EPSTI1: variants seen among roughly 807,000 people sequenced by gnomAD.
EPSTI1 encodes the protein epithelial-stromal interaction protein 1.
A neutral mutation model predicts 49.9 loss-of-function variants in EPSTI1; 66 were observed. The ratio of observed to expected loss-of-function variants is 1.32; its 90% confidence interval spans 1.08 to 1.62. The LOEUF is 1.62. Among genes scored for constraint, EPSTI1 ranks in the 40% most tolerant of loss-of-function variants. The pLI is 0.00. For synonymous variants in EPSTI1, 137 were observed against 130.7 expected (o/e 1.05, Z -0.33); for missense variants, 394 against 365.5 (o/e 1.08, Z -0.64).
chr13:42,932,440 TC>T (rs2038407912), intron 6 of EPSTI1, among the ~76,000 whole-genome samples: 1 of 152,080 alleles, frequency 6.6e-6, no homozygotes. Flanking sequence ...ACTCAGTCTC[TC>T]AATCCCACAC....
At position 42,895,081 on chromosome 13, in the gene EPSTI1, G is replaced by A. The variant is rs1410262397; in HGVS notation, c.843C>T (p.Leu281=). ...RRVNNAFLDR[L]QGKSQPGGLE... is the part of the protein sequence containing the mutation. ...GGCCACCTGGTTGACTTTTGCCTTG[G>A]AGTCGGTCCAGAAAAGCATTATTTA... Residue 281 remains leucine, a synonymous_variant, in exon 10 of 11, where the codon CTC becomes CTT. Coordinates refer to ENST00000313624, the MANE Select transcript of EPSTI1 (RefSeq NM_033255.5). 6.2e-7 allele frequency: 1 copy of A among 1,613,296 alleles called. No individual in the cohort carries two copies. The highest frequency in any genetic ancestry group is 1.7e-5 in the Admixed American group (1 of 59,938).
chr13:42,937,174 T>G (rs2038593696), intron 6 of EPSTI1, among the ~76,000 whole-genome samples: 1 of 152,150 alleles, frequency 6.6e-6, no homozygotes, highest in African/African-American at 2.4e-5. Context: ...TGCAATAGCA[T>G]TATGTCTTGA....
At chr13:42,903,647 G>T (rs557860331) in intron 8 of EPSTI1, among the ~76,000 whole-genome samples, 1 of 152,316 alleles carries the variant, frequency 6.6e-6, no homozygotes, top group South Asian at 2.1e-4. Context: ...CCATAAGGTT[G>T]TGCTAAACCA....
chr13:42,970,371 C>T (rs1389307169), intron 2 of EPSTI1: 1 of 392,528 alleles, frequency 2.5e-6, no homozygotes, highest in East Asian at 4.4e-5. Context: ...GTTGTTCAAG[C>T]CAACAGAAAT....
intron 1 of EPSTI1, among the ~76,000 whole-genome samples, chr13:42,981,350 G>A (rs1336204953): frequency 6.6e-6 from 1 of 152,102 alleles, no homozygotes; most frequent in South Asian, 2.1e-4. Context: ...CTGTGTAATT[G>A]AACTAAGTTT....
intron 10 of EPSTI1, 87 bp downstream of exon 10, chr13:42,894,922 G>A: frequency 8.5e-7 from 1 of 1,169,828 alleles, no homozygotes; most frequent in Non-Finnish European, 1.2e-6. Flanking sequence ...TAATATCTGG[G>A]GAGAAGGCCA....
intron 5 of EPSTI1, among the ~76,000 whole-genome samples, chr13:42,954,805 G>T (rs2039209130): frequency 6.6e-6 from 1 of 152,154 alleles, no homozygotes; most frequent in Admixed American, 6.5e-5. Flanking sequence ...TATCCAGGAG[G>T]ATCATGAAGT....
chr13:42,992,214 G>A lies in EPSTI1; in HGVS notation c.-49C>T, dbSNP rs2153437999. On this transcript the variant is annotated 5_prime_UTR_variant, in exon 1 of 11. Coordinates refer to ENST00000313624, the MANE Select transcript of EPSTI1 (RefSeq NM_033255.5). ...GCCGCCGTCGCTGCGGGAGGGATGC[G>A]GCTGGGACGCTTAGCGAGTCTCAAG... The A allele has an allele frequency of 2.0e-6, 3 of 1,485,012 alleles. No homozygotes were observed. The highest frequency in any genetic ancestry group is 2.7e-6 in the Non-Finnish European group (3 of 1,116,282). 92.0% of individuals were successfully genotyped at this position (1,485,012 alleles called of 1,614,324 possible).
intron 6 of EPSTI1, among the ~76,000 whole-genome samples, chr13:42,935,578 A>G (rs1265700514): frequency 6.6e-6 from 1 of 152,104 alleles, no homozygotes; most frequent in African/African-American, 2.4e-5. Flanking sequence ...CATTTCACTC[A>G]TAAATTCTTT....
rs1486148041 is a variant in EPSTI1, at chr13:42,886,476, A to T, written c.*2018T>A. 6.6e-6 allele frequency: 1 copy of T among 152,128 alleles called. No individual in the cohort carries two copies. Among genetic ancestry groups the T allele is most frequent in the Non-Finnish European group, 1.5e-5 (1 of 68,012 alleles). The allele number at this position is 152,128 out of a possible 1,614,324, so 9.4% of individuals were successfully genotyped here. ...AAAGTTTCTATAACAAACATCTTAC[A>T]TTGGAACGATTTTCTTGTTTTTATT... On this transcript the variant is annotated 3_prime_UTR_variant, in exon 11 of 11. Transcript: ENST00000313624.
At chr13:42,889,190 GGATGTTTTTAAGTGACC>G in intron 10 of EPSTI1, 1 of 1,556,706 alleles carries the variant, frequency 6.4e-7, no homozygotes, top group Non-Finnish European at 8.7e-7. Context: ...TTATTTAAAG[GGATGTTTTTAAGTGACC>G]CACCTTAGGT....
At chr13:42,941,195 T>C (rs1193035985) in intron 6 of EPSTI1, among the ~76,000 whole-genome samples, 1 of 152,220 alleles carries the variant, frequency 6.6e-6, no homozygotes, top group Non-Finnish European at 1.5e-5. Flanking sequence ...ATACAAATTG[T>C]CAAATTGTCT....
At chr13:42,899,161 G>T (rs1299537757) in intron 9 of EPSTI1, among the ~76,000 whole-genome samples, 1 of 149,634 alleles carries the variant, frequency 6.7e-6, no homozygotes, top group South Asian at 2.1e-4. Context: ...TCCTGCCACC[G>T]CACTCCCACC....
intron 6 of EPSTI1, among the ~76,000 whole-genome samples, 178 bp downstream of exon 6, chr13:42,953,770 T>A (rs930361456): frequency 6.6e-6 from 1 of 152,268 alleles, no homozygotes; most frequent in Non-Finnish European, 1.5e-5. Flanking sequence ...AAGGATACTT[T>A]GGTGAGTAGA....
In EPSTI1 at chr13:42,888,350, T is replaced by A; in HGVS notation, c.*144A>T. The A allele has an allele frequency of 6.2e-7, 1 of 1,614,148 alleles. No homozygotes were observed. Among genetic ancestry groups the A allele is most frequent in the South Asian group, 1.1e-5 (1 of 91,076 alleles). On this transcript the variant is annotated 3_prime_UTR_variant, in exon 11 of 11. Coordinates refer to ENST00000313624, the MANE Select transcript of EPSTI1 (RefSeq NM_033255.5). ...ATAAATGAGGACAAGGAGAAGCCAG[T>A]CACTCCTGACTGCACGGTCAAGTGT...
chr13:42,911,408 A>C (rs2037683114), intron 8 of EPSTI1, among the ~76,000 whole-genome samples: 1 of 152,220 alleles, frequency 6.6e-6, no homozygotes, highest in Admixed American at 6.5e-5. Flanking sequence ...AGGGAAAAAA[A>C]ATCTGTTCCT....
chr13:42,937,578 C>T (rs1176424093), intron 6 of EPSTI1, among the ~76,000 whole-genome samples: 2 of 152,192 alleles, frequency 1.3e-5, no homozygotes, highest in African/African-American at 4.8e-5. Flanking sequence ...GAGTAGTTCC[C>T]ATCTTAAGAA....
chr13:42,931,105 T>A (rs1019968255), intron 6 of EPSTI1, among the ~76,000 whole-genome samples: 1 of 151,178 alleles, frequency 6.6e-6, no homozygotes, highest in African/African-American at 2.4e-5. Flanking sequence ...TTCTTAATAC[T>A]CTTTCCTCCT....
Position 42,888,121 on chromosome 13 carries a change from T to A in EPSTI1, c.*373A>T. ...CCCCCAAAGCTTTCAAAACCTGATC[T>A]GAGAATTAGATAAGAATATGTCACT... On this transcript the variant is annotated 3_prime_UTR_variant, in exon 11 of 11. Transcript: ENST00000313624. 8.8e-7 allele frequency: 1 copy of A among 1,138,634 alleles called. No individual in the cohort carries two copies. Among genetic ancestry groups the A allele is most frequent in the Non-Finnish European group, 1.2e-6 (1 of 808,934 alleles). 70.5% of individuals were successfully genotyped at this position (1,138,634 alleles called of 1,614,324 possible). A position where few individuals can be genotyped will look rare whatever the true frequency, so the allele number is the denominator to read the frequency against.
Sources: gnomAD v4.1 joint callset for allele counts (sites outside exome capture counted in the v4.1 genomes callset) on GRCh38, gnomAD v4.1.1 for gene constraint, MANE v1.5 for transcripts, NCBI Gene and HGNC (gene_info 2026-07-23, HGNC 2026-07-21) for gene names.